Variants in PIKFYVE observed in about 807,000 individuals in gnomAD.
The protein encoded by PIKFYVE is 1-phosphatidylinositol 3-phosphate 5-kinase.
A neutral mutation model predicts 257.9 loss-of-function variants in PIKFYVE; 122 were observed. The observed-to-expected ratio is 0.47, with a 90% confidence interval of 0.41 to 0.55. The LOEUF (loss-of-function observed/expected upper bound fraction) is 0.55. PIKFYVE is among the 20% of genes least tolerant of loss of function. The pLI, the probability that PIKFYVE is intolerant of heterozygous loss-of-function variation, is 0.00. For synonymous variants in PIKFYVE, 892 were observed against 868.9 expected, an observed-to-expected ratio of 1.03 and a Z score of -0.47; for missense variants, 2,160 against 2,536.6, an observed-to-expected ratio of 0.85 and a Z score of 3.19.
Position 208,288,833 on chromosome 2 carries a change from G to GA in PIKFYVE, c.911+19dup. On this transcript the variant is annotated intron_variant, in intron 7 of 41. Transcript: ENST00000264380. ...GCTCGAAATAGGTAAACTGACAAAT[G>GA]AAAACACTGTGCTCTCTGATGTTTA... 2 of 1,612,968 alleles carry GA rather than the reference G, an allele frequency of 1.2e-6. No individual in the cohort carries two copies. Among genetic ancestry groups the GA allele is most frequent in the East Asian group, 4.5e-5 (2 of 44,832 alleles).
chr2:208,300,804 T>C, intron 8 of PIKFYVE, 133 bp from the exon 9 acceptor site: 1 of 1,038,158 alleles, frequency 9.6e-7, no homozygotes, highest in Non-Finnish European at 1.5e-6. Flanking sequence ...TTGTATTAAA[T>C]TGTGTGAGTT....
intron 32 of PIKFYVE, among the ~76,000 whole-genome samples, chr2:208,343,198 T>C (rs1023290994): frequency 6.6e-5 from 10 of 152,210 alleles, no homozygotes; most frequent in African/African-American, 2.4e-4. Flanking sequence ...GGCAAGTTAT[T>C]TACTGAGCCT....
At chr2:208,329,306 G>A (rs1211755777) in intron 21 of PIKFYVE, among the ~76,000 whole-genome samples, 1 of 152,158 alleles carries the variant, frequency 6.6e-6, no homozygotes, top group Non-Finnish European at 1.5e-5. Context: ...AGGAAGACTT[G>A]GGAGTGGCAG....
chr2:208,326,215 G>T lies in PIKFYVE; in HGVS notation c.3404G>T (p.Ser1135Ile). Residue 1135 changes from serine to isoleucine, a missense_variant, in exon 20 of 42, where the codon AGC becomes ATC. This residue lies in a region of PIKFYVE where 522 missense variants were observed against 514.6 expected (regional missense o/e 1.01). Coordinates refer to ENST00000264380, the MANE Select transcript of PIKFYVE (RefSeq NM_015040.4). Reference protein sequence around the residue: ...IQVLPSHELVSTRIAEHLGDS... With the variant: ...IQVLPSHELVITRIAEHLGDS... The stretch of plus-strand genomic sequence containing the variant: ...GTCTTACCCTCACATGAGCTAGTGA[G>T]CACTAGAATTGCTGAGCATCTGGGC... The T allele has an allele frequency of 6.3e-7, 1 of 1,598,838 alleles. No individual in the cohort carries two copies. The highest frequency in any genetic ancestry group is 8.5e-7 in the Non-Finnish European group (1 of 1,172,254).
intron 4 of PIKFYVE, 83 bp downstream of exon 4, chr2:208,276,913 CT>C (rs1690182547): frequency 1.7e-6 from 2 of 1,148,826 alleles, no homozygotes; most frequent in East Asian, 4.7e-5. Flanking sequence ...CTTAATGCCA[CT>C]GAAAGAAAGC....
chr2:208,309,501 C>T (rs1694723732), intron 12 of PIKFYVE, among the ~76,000 whole-genome samples: 1 of 152,130 alleles, frequency 6.6e-6, no homozygotes, highest in Non-Finnish European at 1.5e-5. Context: ...GAATGAGGAT[C>T]CAATTTACTG....
At chr2:208,339,357 A>G (rs1165549548) in intron 29 of PIKFYVE, 61 bp from the exon 30 acceptor site, 5 of 1,584,188 alleles carry the variant, frequency 3.2e-6, no homozygotes, top group Non-Finnish European at 4.3e-6. Flanking sequence ...TTTAAAAAAT[A>G]TTAGGTAGAC....
intron 7 of PIKFYVE, among the ~76,000 whole-genome samples, chr2:208,296,152 C>A (rs1692953778): frequency 6.6e-6 from 1 of 152,046 alleles, no homozygotes; most frequent in East Asian, 1.9e-4. Context: ...TTACAGGCAC[C>A]TGCTAGCATG....
At chr2:208,306,962 A>G (rs1308083521) in intron 12 of PIKFYVE, among the ~76,000 whole-genome samples, 3 of 152,044 alleles carry the variant, frequency 2.0e-5, no homozygotes, top group East Asian at 3.9e-4. Context: ...TATTTTTAGT[A>G]AAGGTGGGGT....
intron 23 of PIKFYVE, 144 bp downstream of exon 23, chr2:208,330,838 A>G (rs2125633477): frequency 2.4e-6 from 2 of 818,854 alleles, no homozygotes; most frequent in South Asian, 1.8e-5. Context: ...TTTACCTTCC[A>G]GTGCTGTATG....
intron 12 of PIKFYVE, among the ~76,000 whole-genome samples, chr2:208,311,201 G>A (rs766804615): frequency 8.6e-5 from 13 of 152,028 alleles, no homozygotes; most frequent in Non-Finnish European, 1.5e-4. Context: ...TGAGAAGGCT[G>A]GTAAAGAACA....
Position 208,356,545 on chromosome 2 carries a change from T to C in PIKFYVE, c.*1240T>C, listed in dbSNP as rs1490608163. 1 of 152,450 alleles carries C rather than the reference T, an allele frequency of 6.6e-6. No individual in the cohort carries two copies. Among genetic ancestry groups the C allele is most frequent in the Admixed American group, 6.5e-5 (1 of 15,276 alleles). 9.4% of individuals were successfully genotyped at this position (152,450 alleles called of 1,614,324 possible). On this transcript the variant is annotated 3_prime_UTR_variant, in exon 42 of 42. Coordinates refer to ENST00000264380, the MANE Select transcript of PIKFYVE (RefSeq NM_015040.4). ...GGCATATACCTGTAACCCCAACTAC[T>C]TGGGTGGCTGAGGCAGGAGAATTGT...
intron 5 of PIKFYVE, among the ~76,000 whole-genome samples, chr2:208,283,681 A>T (rs947446584): frequency 2.6e-5 from 4 of 152,222 alleles, no homozygotes; most frequent in Non-Finnish European, 5.9e-5. Context: ...CCTGGGCTCA[A>T]GCAATCCTCC....
chr2:208,317,671 CAG>C (rs1197026895), intron 15 of PIKFYVE, among the ~76,000 whole-genome samples, 194 bp from the exon 16 acceptor site: 10 of 151,992 alleles, frequency 6.6e-5, no homozygotes, highest in South Asian at 2.1e-4. Context: ...CATTAGAGAA[CAG>C]GGGATGGGAA....
At chr2:208,272,323 T>A (rs973047182) in intron 2 of PIKFYVE, among the ~76,000 whole-genome samples, 12 of 152,210 alleles carry the variant, frequency 7.9e-5, no homozygotes, top group Non-Finnish European at 1.2e-4. Flanking sequence ...TATTCTTTTT[T>A]TCTTAATATG....
Position 208,326,071 on chromosome 2 carries a change from G to C in PIKFYVE, c.3260G>C (p.Trp1087Ser). 1.2e-6 allele frequency: 2 copies of C among 1,614,116 alleles called. No individual in the cohort carries two copies. The highest frequency in any genetic ancestry group is 1.7e-6 in the Non-Finnish European group (2 of 1,180,004). The change falls in exon 20 of 42, where the codon TGG (tryptophan) becomes TCG (serine). Residue 1087 changes from tryptophan to serine, a missense_variant. Trp to Ser is a radical substitution (Grantham distance 177). Transcript: ENST00000264380. ...TRDYFAEQVY[W>S]SPLLNKEFKE... ...GATTATTTTGCAGAGCAGGTTTACT[G>C]GTCTCCTCTCCTCAATAAAGAATTC...
intron 23 of PIKFYVE, 41 bp from the exon 24 acceptor site, chr2:208,333,274 C>T: frequency 7.0e-6 from 11 of 1,572,434 alleles, no homozygotes; most frequent in Non-Finnish European, 9.6e-6. Context: ...AAAAGAGATT[C>T]TCAATATGTG....
intron 7 of PIKFYVE, among the ~76,000 whole-genome samples, chr2:208,297,556 G>T (rs4673395): frequency 0.93 from 141,480 of 152,050 alleles, 66,344 homozygotes; most frequent in Non-Finnish European, 0.98. Context: ...TACATATTAG[G>T]CGAGCTACTT....
At chr2:208,305,655 A>C in intron 12 of PIKFYVE, 1 of 259,968 alleles carries the variant, frequency 3.8e-6, no homozygotes, top group Non-Finnish European at 6.0e-6. Flanking sequence ...GAAAGAGGTA[A>C]ACATTACTAA....
Sources: allele counts gnomAD v4.1 joint callset (sites outside exome capture counted in the v4.1 genomes callset), GRCh38; gene constraint gnomAD v4.1.1; regional missense constraint gnomAD v4.1.1; transcripts MANE v1.5; gene names NCBI Gene and HGNC (gene_info 2026-07-23, HGNC 2026-07-21).